IL15: variants seen among roughly 807,000 people sequenced by gnomAD.
The protein encoded by IL15 is interleukin 15.
In IL15, 11 loss-of-function variants were observed where a neutral mutation model predicts 19.6. The observed-to-expected ratio is 0.56, with a 90% confidence interval of 0.35 to 0.93. IL15 has a LOEUF of 0.93. IL15 is among the 40% of genes least tolerant of loss of function. IL15 has a pLI of 0.01. For synonymous variants in IL15, 58 were observed against 59.6 expected, an observed-to-expected ratio of 0.97 and a Z score of 0.12; for missense variants, 197 against 186.5, an observed-to-expected ratio of 1.06 and a Z score of -0.33.
intron 1 of IL15, among the ~76,000 whole-genome samples, chr4:141,651,094 C>T (rs1000976948): frequency 6.6e-6 from 1 of 151,938 alleles, no homozygotes; most frequent in Non-Finnish European, 1.5e-5. Flanking sequence ...TAGATGAACA[C>T]TTCCACCATT....
chr4:141,643,950 C>T (rs1727135658), intron 1 of IL15, among the ~76,000 whole-genome samples: 1 of 151,764 alleles, frequency 6.6e-6, no homozygotes, highest in Non-Finnish European at 1.5e-5. Context: ...CCTTCTTCCT[C>T]ATCTTACCTG....
chr4:141,689,604 A>G (rs1021657120), intron 2 of IL15, among the ~76,000 whole-genome samples: 4 of 151,946 alleles, frequency 2.6e-5, no homozygotes, highest in Non-Finnish European at 5.9e-5. Flanking sequence ...AGGTTCTCCA[A>G]GGCCCCACCA....
chr4:141,661,907 T>C (rs1412715857), intron 2 of IL15, among the ~76,000 whole-genome samples: 1 of 152,258 alleles, frequency 6.6e-6, no homozygotes, highest in Non-Finnish European at 1.5e-5. Context: ...TGATGATGTC[T>C]TACCCGTCAT....
intron 7 of IL15, among the ~76,000 whole-genome samples, chr4:141,730,894 G>A (rs930725166): frequency 2.0e-5 from 3 of 152,136 alleles, no homozygotes; most frequent in African/African-American, 7.2e-5. Context: ...TGCTGTTAAA[G>A]AGGGAGGAAA....
intron 1 of IL15, among the ~76,000 whole-genome samples, chr4:141,650,128 C>A (rs189967910): frequency 1.1e-4 from 17 of 152,102 alleles, no homozygotes; most frequent in Admixed American, 9.2e-4. Context: ...GGTGAAACTC[C>A]CATCTTCCTA....
At chr4:141,711,054 A>G (rs920056678) in intron 2 of IL15, among the ~76,000 whole-genome samples, 1 of 152,130 alleles carries the variant, frequency 6.6e-6, no homozygotes, top group African/African-American at 2.4e-5. Flanking sequence ...ATTTTTTATA[A>G]TTACAAATAT....
intron 1 of IL15, among the ~76,000 whole-genome samples, chr4:141,649,163 C>T (rs1727325592): frequency 6.6e-6 from 1 of 152,078 alleles, no homozygotes; most frequent in South Asian, 2.1e-4. Context: ...GCCCCCTTCT[C>T]CTGACTCGCC....
At chr4:141,658,772 C>T (rs920845233) in intron 2 of IL15, among the ~76,000 whole-genome samples, 13 of 151,830 alleles carry the variant, frequency 8.6e-5, no homozygotes, top group Non-Finnish European at 1.3e-4. Flanking sequence ...AGAAAAAACA[C>T]GGAAATCATG....
intron 2 of IL15, among the ~76,000 whole-genome samples, chr4:141,661,703 T>A (rs922842771): frequency 1.3e-5 from 2 of 152,198 alleles, no homozygotes; most frequent in African/African-American, 4.8e-5. Flanking sequence ...TGTGACCTCT[T>A]GAAGTACAGT....
At chr4:141,661,471 G>A (rs1248001053) in intron 2 of IL15, among the ~76,000 whole-genome samples, 3 of 152,190 alleles carry the variant, frequency 2.0e-5, no homozygotes, top group Non-Finnish European at 4.4e-5. Context: ...GAAGCTGGAG[G>A]AGCTCAGAGA....
At position 141,666,170 on chromosome 4, in the gene IL15, G is replaced by A. The variant is rs545861529; in HGVS notation, c.-100+9863G>A. On this transcript the variant is annotated intron_variant, in intron 2 of 7. Coordinates refer to ENST00000320650, the MANE Select transcript of IL15 (RefSeq NM_000585.5). Reference sequence around the variant, plus strand: ...GGCTGGAGTGCAGTGGCACGATCTCGGCTCACTGCAAGCTCCGCCTCCCGG... The same window carrying A: ...GGCTGGAGTGCAGTGGCACGATCTCAGCTCACTGCAAGCTCCGCCTCCCGG... Among the ~76,000 whole-genome samples, 180 of 151,416 alleles carry A rather than the reference G, an allele frequency of 1.2e-3. 1 individual carries two copies. The highest frequency in any genetic ancestry group is 4.1e-3 in the African/African-American group (171 of 41,264).
At chr4:141,683,195 G>A (rs1728593783) in intron 2 of IL15, among the ~76,000 whole-genome samples, 2 of 152,022 alleles carry the variant, frequency 1.3e-5, no homozygotes, top group South Asian at 2.1e-4. Context: ...CTTGAACCGG[G>A]TAGGTGGAAG....
At chr4:141,670,490 C>T (rs1351800450) in intron 2 of IL15, among the ~76,000 whole-genome samples, 4 of 152,186 alleles carry the variant, frequency 2.6e-5, no homozygotes, top group Non-Finnish European at 5.9e-5. Flanking sequence ...GTCTCTTAAA[C>T]TAACCATAAT....
chr4:141,679,296 G>A (rs1466624965), intron 2 of IL15, among the ~76,000 whole-genome samples: 1 of 152,104 alleles, frequency 6.6e-6, no homozygotes, highest in Non-Finnish European at 1.5e-5. Flanking sequence ...TAGTATCCAA[G>A]AGGCTGGAAA....
intron 7 of IL15, among the ~76,000 whole-genome samples, chr4:141,730,977 A>C (rs6537061): frequency 0.48 from 73,512 of 151,880 alleles, 17,835 homozygotes; most frequent in South Asian, 0.59. Flanking sequence ...GAAAAAGGAC[A>C]CAGGGTAGGG....
Position 141,648,210 on chromosome 4 carries a change from G to T in IL15, c.-221-7976G>T, listed in dbSNP as rs890780353. 2.6e-5 allele frequency among the ~76,000 whole-genome samples: 4 copies of T among 152,124 alleles called. No individual in the cohort carries two copies. The East Asian group carries it at 5.8e-4, about 22-fold the overall frequency. ...ATTATCAGGGTCAGGAAGGGAAATA[G>T]AATTTTCTGGGGATGTACTTTGGGC... is the stretch of plus-strand genomic sequence containing the variant. On this transcript the variant is annotated intron_variant, in intron 1 of 7. Coordinates refer to ENST00000320650, the MANE Select transcript of IL15 (RefSeq NM_000585.5).
chr4:141,654,703 G>GA (rs1347507208), intron 1 of IL15, among the ~76,000 whole-genome samples: 5 of 152,136 alleles, frequency 3.3e-5, no homozygotes, highest in African/African-American at 1.2e-4. Context: ...TGCAGTTATG[G>GA]AAAAAAAGTG....
At chr4:141,722,036 C>G (rs777816735) in intron 5 of IL15, 28 bp downstream of exon 5, 7 of 1,548,718 alleles carry the variant, frequency 4.5e-6, no homozygotes, top group Non-Finnish European at 6.2e-6. Context: ...CATAAAATGC[C>G]TGGTATAACT....
chr4:141,640,316 A>G (rs1275374704), intron 1 of IL15, among the ~76,000 whole-genome samples: 1 of 152,194 alleles, frequency 6.6e-6, no homozygotes, highest in African/African-American at 2.4e-5. Flanking sequence ...AAAGAAAAAA[A>G]AAAAAAGACA....
Sources: gnomAD v4.1 joint callset for allele counts (sites outside exome capture counted in the v4.1 genomes callset) on GRCh38, gnomAD v4.1.1 for gene constraint, MANE v1.5 for transcripts, NCBI Gene and HGNC (gene_info 2026-07-23, HGNC 2026-07-21) for gene names.